The following DPP10 variants were observed in gnomAD, a reference collection of about 807,000 sequenced individuals.
DPP10 encodes inactive dipeptidyl peptidase 10.
DPP10 carries 33 observed loss-of-function variants against 120.9 expected under a neutral mutation model. The observed-to-expected ratio is 0.27, with a 90% confidence interval of 0.21 to 0.37. The LOEUF (loss-of-function observed/expected upper bound fraction) is 0.37. DPP10 is among the 10% of genes least tolerant of loss of function. The pLI is 1.00. For synonymous variants in DPP10, 337 were observed against 326.1 expected (o/e 1.03, Z -0.36); for missense variants, 816 against 942.8 (o/e 0.87, Z 1.76).
intron 17 of DPP10, among the ~76,000 whole-genome samples, chr2:115,784,583 G>A (rs1452156052): frequency 6.6e-6 from 1 of 152,052 alleles, no homozygotes; most frequent in Non-Finnish European, 1.5e-5. Flanking sequence ...GCCCAGGCTG[G>A]AATGCAATGG....
At chr2:114,708,730 C>T (rs1038887652) in intron 1 of DPP10, among the ~76,000 whole-genome samples, 4 of 151,768 alleles carry the variant, frequency 2.6e-5, no homozygotes, top group Admixed American at 6.6e-5. Flanking sequence ...TCCTTTAACT[C>T]GTTTACTTTT....
At chr2:115,752,011 G>T (rs540919484) in intron 10 of DPP10, among the ~76,000 whole-genome samples, 1 of 152,088 alleles carries the variant, frequency 6.6e-6, no homozygotes, top group East Asian at 1.9e-4. Context: ...TGTTAGCCAG[G>T]ATGGTCTCCA....
At chr2:115,256,078 T>C (rs571646189) in intron 1 of DPP10, among the ~76,000 whole-genome samples, 5 of 152,184 alleles carry the variant, frequency 3.3e-5, no homozygotes, top group Admixed American at 6.5e-5. Context: ...AAGACATACA[T>C]GAGACCGGGT....
intron 3 of DPP10, among the ~76,000 whole-genome samples, chr2:115,436,312 A>G (rs1421464019): frequency 6.6e-6 from 1 of 151,792 alleles, no homozygotes; most frequent in African/African-American, 2.4e-5. Flanking sequence ...ATTTGGTTTA[A>G]TTTGTCTCTA....
chr2:115,550,642 TTTCTG>T (rs2079817693), intron 5 of DPP10, among the ~76,000 whole-genome samples: 1 of 152,166 alleles, frequency 6.6e-6, no homozygotes, highest in South Asian at 2.1e-4. Flanking sequence ...TTTCTCAACT[TTTCTG>T]TTAAAGAGAA....
intron 1 of DPP10, among the ~76,000 whole-genome samples, chr2:114,580,073 A>G (rs1431736186): frequency 1.3e-5 from 2 of 152,226 alleles, no homozygotes; most frequent in Non-Finnish European, 2.9e-5. Flanking sequence ...AACAAACTTG[A>G]GGTTGCTCAA....
intron 1 of DPP10, among the ~76,000 whole-genome samples, chr2:115,030,385 T>G (rs1703754785): frequency 6.6e-6 from 1 of 152,202 alleles, no homozygotes; most frequent in Non-Finnish European, 1.5e-5. Context: ...GTATCAATCT[T>G]AAACTACATT....
intron 1 of DPP10, among the ~76,000 whole-genome samples, chr2:114,770,420 G>C (rs1191729933): frequency 6.6e-6 from 1 of 152,094 alleles, no homozygotes; most frequent in Non-Finnish European, 1.5e-5. Flanking sequence ...CCATATACAT[G>C]CTAGTAGTAA....
intron 3 of DPP10, among the ~76,000 whole-genome samples, chr2:115,386,862 T>G (rs1266672117): frequency 6.6e-6 from 1 of 151,238 alleles, no homozygotes; most frequent in Non-Finnish European, 1.5e-5. Flanking sequence ...ATGTTTATAA[T>G]AATCAGTACA....
At chr2:115,703,035 CAG>C (rs142036231) in intron 7 of DPP10, among the ~76,000 whole-genome samples, 1,668 of 151,886 alleles carry the variant, frequency 0.011, 37 homozygotes, top group African/African-American at 0.039. Context: ...TTAATAAAAA[CAG>C]AAAGTATACT....
chr2:115,146,458 A>G (rs1015022465), intron 1 of DPP10, among the ~76,000 whole-genome samples: 3 of 152,078 alleles, frequency 2.0e-5, no homozygotes, highest in African/African-American at 7.2e-5. Context: ...TATAAAATAA[A>G]TTATACTAAA....
At chr2:115,099,978 T>C (rs1444221958) in intron 1 of DPP10, among the ~76,000 whole-genome samples, 1 of 152,220 alleles carries the variant, frequency 6.6e-6, no homozygotes, top group Non-Finnish European at 1.5e-5. Flanking sequence ...GTACAATGGT[T>C]CTGACAGAGA....
intron 1 of DPP10, among the ~76,000 whole-genome samples, chr2:114,714,514 G>A (rs1377798942): frequency 6.6e-6 from 1 of 152,098 alleles, no homozygotes; most frequent in African/African-American, 2.4e-5. Flanking sequence ...TCACACTGAT[G>A]GCTCTAAACG....
At chr2:115,520,983 T>C (rs185556976) in intron 4 of DPP10, among the ~76,000 whole-genome samples, 2 of 152,302 alleles carry the variant, frequency 1.3e-5, no homozygotes, top group East Asian at 3.9e-4. Context: ...GATCAATGGT[T>C]AGATGAACTG....
At chr2:115,405,748 C>A (rs908486924) in intron 3 of DPP10, among the ~76,000 whole-genome samples, 1 of 152,228 alleles carries the variant, frequency 6.6e-6, no homozygotes, top group African/African-American at 2.4e-5. Flanking sequence ...GAAGCTGCGG[C>A]ATGAGCTGTA....
chr2:115,671,906 G>A (rs1459566441), intron 5 of DPP10, among the ~76,000 whole-genome samples: 1 of 152,074 alleles, frequency 6.6e-6, no homozygotes, highest in South Asian at 2.1e-4. Context: ...TGCCCCATCT[G>A]TATTTATGCA....
chr2:115,288,762 G>A (rs530751322), intron 1 of DPP10, among the ~76,000 whole-genome samples: 2 of 151,852 alleles, frequency 1.3e-5, no homozygotes, highest in African/African-American at 2.4e-5. Flanking sequence ...ACAAACAACC[G>A]TCAACCAACT....
chr2:114,965,654 T>A (rs1698955795), intron 1 of DPP10, among the ~76,000 whole-genome samples: 1 of 152,004 alleles, frequency 6.6e-6, no homozygotes, highest in South Asian at 2.1e-4. Context: ...ACAAATTACC[T>A]GAGAGGCATA....
intron 17 of DPP10, 60 bp downstream of exon 17, chr2:115,782,459 G>A: frequency 3.4e-6 from 5 of 1,473,032 alleles, no homozygotes; most frequent in Non-Finnish European, 4.7e-6. Context: ...TAGACATCGT[G>A]TTATCTATTC....
Sources: allele counts gnomAD v4.1 joint callset (sites outside exome capture counted in the v4.1 genomes callset), GRCh38; gene constraint gnomAD v4.1.1; transcripts MANE v1.5; gene names NCBI Gene and HGNC (gene_info 2026-07-23, HGNC 2026-07-21).